The following EYS variants were observed in gnomAD, a reference collection of about 807,000 sequenced individuals.
EYS encodes the protein EGF-like photoreceptor maintenance factor, also known as protein eyes shut homolog.
In EYS, 250 loss-of-function variants were observed where a neutral mutation model predicts 282.1. That is an observed-to-expected ratio of 0.89 (90% CI 0.80 to 0.98). The LOEUF (loss-of-function observed/expected upper bound fraction) is 0.98. Among genes scored for constraint, EYS ranks in the 50% least tolerant of loss-of-function variants. The pLI is 0.00. For synonymous variants in EYS, 1,355 were observed against 1,282.9 expected (o/e 1.06, Z -1.20); for missense variants, 4,016 against 3,709.0 (o/e 1.08, Z -2.15).
At chr6:65,202,719 A>T (rs1765933364) in intron 12 of EYS, among the ~76,000 whole-genome samples, 1 of 152,138 alleles carries the variant, frequency 6.6e-6, no homozygotes, top group African/African-American at 2.4e-5. Context: ...AAATCTCACC[A>T]TCGAGATGCC....
chr6:64,236,934 T>C (rs1260043866), intron 30 of EYS, among the ~76,000 whole-genome samples: 1 of 152,098 alleles, frequency 6.6e-6, no homozygotes, highest in Non-Finnish European at 1.5e-5. Context: ...TTCTTTTTTC[T>C]TTGTATCTTT....
chr6:63,727,801 C>G (rs1768676741), intron 41 of EYS, among the ~76,000 whole-genome samples: 1 of 91,294 alleles, frequency 1.1e-5, no homozygotes, highest in Non-Finnish European at 1.9e-5. Context: ...ACTGGGGAGG[C>G]TGAAGTGGAA....
chr6:64,027,947 T>C (rs190981943), intron 33 of EYS, among the ~76,000 whole-genome samples: 1 of 152,346 alleles, frequency 6.6e-6, no homozygotes, highest in Non-Finnish European at 1.5e-5. Flanking sequence ...TCTCCTGTCC[T>C]GGACGACTGT....
intron 15 of EYS, among the ~76,000 whole-genome samples, chr6:64,932,587 T>C (rs1319586864): frequency 1.3e-5 from 2 of 151,802 alleles, no homozygotes; most frequent in African/African-American, 4.8e-5. Context: ...AGCATGCAAG[T>C]CTATAAACAG....
At chr6:65,626,771 T>C (rs1766708069) in intron 2 of EYS, among the ~76,000 whole-genome samples, 1 of 152,018 alleles carries the variant, frequency 6.6e-6, no homozygotes, top group South Asian at 2.1e-4. Context: ...AAAGTTGTAA[T>C]TAATAATGAT....
chr6:64,146,962 T>C (rs1774539042), intron 31 of EYS, among the ~76,000 whole-genome samples: 1 of 152,158 alleles, frequency 6.6e-6, no homozygotes, highest in African/African-American at 2.4e-5. Flanking sequence ...TTGCCTGAGA[T>C]TGCATGGAAC....
intron 41 of EYS, among the ~76,000 whole-genome samples, chr6:63,755,630 T>C (rs1417759905): frequency 6.6e-6 from 1 of 152,224 alleles, no homozygotes; most frequent in Non-Finnish European, 1.5e-5. Flanking sequence ...TTTGGTTCCC[T>C]ATGATATTTA....
At chr6:65,584,669 C>T (rs898268839) in intron 2 of EYS, among the ~76,000 whole-genome samples, 1 of 151,622 alleles carries the variant, frequency 6.6e-6, no homozygotes, top group African/African-American at 2.4e-5. Flanking sequence ...TGTGGAGGTC[C>T]CCATCCAAAG....
chr6:64,234,038 G>A (rs1475382875), intron 30 of EYS, among the ~76,000 whole-genome samples: 3 of 152,060 alleles, frequency 2.0e-5, no homozygotes, highest in African/African-American at 7.2e-5. Flanking sequence ...ATGTGCCTAC[G>A]AACCTGGCTT....
intron 8 of EYS, among the ~76,000 whole-genome samples, chr6:65,360,109 A>G (rs1283488072): frequency 6.6e-6 from 1 of 151,992 alleles, no homozygotes; most frequent in East Asian, 1.9e-4. Context: ...ATATAACCTT[A>G]TAATTCTGAT....
chr6:64,385,743 G>A (rs1278626149), intron 29 of EYS, among the ~76,000 whole-genome samples: 2 of 152,110 alleles, frequency 1.3e-5, no homozygotes, highest in African/African-American at 2.4e-5. Context: ...AAACCACTCT[G>A]TTGCTTCTTC....
chr6:65,070,400 C>T (rs1773869536), intron 12 of EYS, among the ~76,000 whole-genome samples: 1 of 151,922 alleles, frequency 6.6e-6, no homozygotes, highest in South Asian at 2.1e-4. Flanking sequence ...TGTCTTGTCA[C>T]TTTCTTTGCA....
At chr6:63,825,340 G>C (rs1237702331) in intron 36 of EYS, among the ~76,000 whole-genome samples, 2 of 152,188 alleles carry the variant, frequency 1.3e-5, no homozygotes, top group Admixed American at 6.5e-5. Flanking sequence ...AAGACAAAGG[G>C]CGTATAATCT....
chr6:65,071,409 C>G (rs1236321812), intron 12 of EYS, among the ~76,000 whole-genome samples: 3 of 151,580 alleles, frequency 2.0e-5, no homozygotes, highest in African/African-American at 7.3e-5. Context: ...TGGGACTATT[C>G]CATATTATAA....
chr6:64,298,405 C>T (rs1244308676), intron 30 of EYS, among the ~76,000 whole-genome samples: 1 of 151,936 alleles, frequency 6.6e-6, no homozygotes. Context: ...AATTTTGTGC[C>T]ATCAACAATC....
chr6:65,061,545 GAC>G (rs1773574004), intron 12 of EYS, among the ~76,000 whole-genome samples: 1 of 151,770 alleles, frequency 6.6e-6, no homozygotes, highest in Admixed American at 6.6e-5. Context: ...TTGACTATCA[GAC>G]ACTTCATTTT....
At chr6:64,403,337 T>C (rs1053429654) in intron 28 of EYS, among the ~76,000 whole-genome samples, 1 of 152,238 alleles carries the variant, frequency 6.6e-6, no homozygotes, top group Non-Finnish European at 1.5e-5. Flanking sequence ...TTCTTAATCA[T>C]TAAAAGGATA....
At chr6:63,765,326 G>A (rs16894553) in intron 40 of EYS, among the ~76,000 whole-genome samples, 2 of 151,700 alleles carry the variant, frequency 1.3e-5, no homozygotes, top group African/African-American at 4.8e-5. Context: ...TTCTAAAATG[G>A]GTATTATGGT....
intron 35 of EYS, among the ~76,000 whole-genome samples, chr6:63,950,076 G>T (rs1229235420): frequency 6.6e-6 from 1 of 152,000 alleles, no homozygotes; most frequent in South Asian, 2.1e-4. Context: ...GGGAGGCTGA[G>T]GCAGAGAATT....
Sources: gnomAD v4.1 joint callset for allele counts (sites outside exome capture counted in the v4.1 genomes callset) on GRCh38, gnomAD v4.1.1 for gene constraint, MANE v1.5 for transcripts, NCBI Gene and HGNC (gene_info 2026-07-23, HGNC 2026-07-21) for gene names.